The following HERC6 variants were observed in gnomAD, a reference collection of about 807,000 sequenced individuals.
HERC6 encodes HECT and RLD domain containing E3 ubiquitin protein ligase family member 6, also known as probable E3 ubiquitin-protein ligase HERC6.
In HERC6, 101 loss-of-function variants were observed where a neutral mutation model predicts 114.5. The observed-to-expected ratio is 0.88, with a 90% CI of 0.75 to 1.04. The LOEUF is 1.04. Among genes scored for constraint, HERC6 ranks in the 50% least tolerant of loss-of-function variants. HERC6 has a pLI of 0.00. For missense variants in HERC6, 1,133 were observed against 1,230.9 expected (o/e 0.92, Z 1.19); for synonymous variants, 408 against 436.2 (o/e 0.94, Z 0.81).
Position 88,439,358 on chromosome 4 carries a change from A to AAAAAGAAAGG in HERC6, c.2556-512_2556-503dup, listed in dbSNP as rs200327036. Among the ~76,000 whole-genome samples, 8 of 151,778 alleles carry AAAAAGAAAGG rather than the reference A, an allele frequency of 5.3e-5. No homozygotes were observed. The South Asian group carries it at 8.3e-4, about 16-fold the overall frequency. On this transcript the variant is annotated intron_variant, in intron 20 of 22. Coordinates refer to ENST00000264346, the MANE Select transcript of HERC6 (RefSeq NM_017912.4). ...ACCCCATCTCTTAAAAAAAAGAAAG[A>AAAAAGAAAGG]AAAAGAAAGGAAAGAGAAAGAAAGA...
Position 88,413,431 on chromosome 4 carries a change from T to C in HERC6, c.1558+165T>C, listed in dbSNP as rs192210173. Among the ~76,000 whole-genome samples the C allele has an allele frequency of 3.3e-3, 497 of 152,340 alleles. 6 individuals carry two copies. The highest frequency in any genetic ancestry group is 0.012 in the African/African-American group (482 of 41,592). On this transcript the variant is annotated intron_variant, in intron 12 of 22. Transcript: ENST00000264346. ...AATCTAAAGCTATTATAATTATTAGTTCTATCATACAAAGCAGGTGTAGTT... is the reference window on the plus strand; with the variant it reads ...AATCTAAAGCTATTATAATTATTAGCTCTATCATACAAAGCAGGTGTAGTT...
intron 2 of HERC6, 108 bp from the exon 3 acceptor site, chr4:88,385,391 G>A (rs1214732375): frequency 4.7e-6 from 3 of 642,142 alleles, no homozygotes; most frequent in Non-Finnish European, 8.2e-6. Flanking sequence ...AAATAAAATA[G>A]TTTTCCTGGA....
chr4:88,388,400 A>G (rs1360418698), intron 3 of HERC6, among the ~76,000 whole-genome samples: 1 of 151,994 alleles, frequency 6.6e-6, no homozygotes, highest in Admixed American at 6.6e-5. Flanking sequence ...AAAATACAAA[A>G]ATTAACCGGG....
chr4:88,399,504 C>G (rs1039663652), intron 8 of HERC6: 8 of 152,422 alleles, frequency 5.2e-5, no homozygotes, highest in Admixed American at 1.3e-4. Context: ...GGCATGGTGG[C>G]TCACGCCTGT....
intron 13 of HERC6, among the ~76,000 whole-genome samples, chr4:88,422,232 C>G (rs1473518093): frequency 6.6e-6 from 1 of 152,082 alleles, no homozygotes; most frequent in Non-Finnish European, 1.5e-5. Flanking sequence ...TAAAACTAAT[C>G]TCTTGACTTC....
At position 88,440,522 on chromosome 4, in the gene HERC6, T is replaced by C. The variant is rs922152115; in HGVS notation, c.2842+272T>C. ...CTGTGGTGAAATGCAGGGTTTTTTA[T>C]AGATGAGCTAGTGAGGAGGTGGTGT... On this transcript the variant is annotated intron_variant, in intron 22 of 22. Coordinates refer to ENST00000264346, the MANE Select transcript of HERC6 (RefSeq NM_017912.4). 1.7e-5 allele frequency: 6 copies of C among 347,894 alleles called. No homozygotes were observed. In the East Asian group the frequency reaches 3.2e-4, roughly 18 times the overall value. The allele number at this position is 347,894 out of a possible 1,614,324, so 21.6% of individuals were successfully genotyped here. A position where few individuals can be genotyped will look rare whatever the true frequency, so the allele number is the denominator to read the frequency against.
chr4:88,393,469 T>G lies in HERC6; in HGVS notation c.665-19T>G. ...GAGTCTGTTTCTTATACTCTAGAGATTCTGCTTTCTTTCAACAGTGCAAAG... is the reference window on the plus strand; with the variant it reads ...GAGTCTGTTTCTTATACTCTAGAGAGTCTGCTTTCTTTCAACAGTGCAAAG... On this transcript the variant is annotated intron_variant, in intron 4 of 22. Transcript: ENST00000264346. 6.6e-7 allele frequency: 1 copy of G among 1,519,994 alleles called. No individual in the cohort carries two copies. The highest frequency in any genetic ancestry group is 9.1e-7 in the Non-Finnish European group (1 of 1,101,274). The allele number at this position is 1,519,994 out of a possible 1,614,324, so 94.2% of individuals were successfully genotyped here.
chr4:88,385,486 A>T lies in HERC6; in HGVS notation c.360-13A>T. On this transcript the variant is annotated splice_polypyrimidine_tract_variant and intron_variant, in intron 2 of 22. Coordinates refer to ENST00000264346, the MANE Select transcript of HERC6 (RefSeq NM_017912.4). ...AATAAGGATTAATCAATTTTGTATT[A>T]TTTGTATTATAGGAAAATAATGACT... The T allele has an allele frequency of 1.6e-6, 2 of 1,249,366 alleles. No homozygotes were observed. Among genetic ancestry groups the T allele is most frequent in the Non-Finnish European group, 2.2e-6 (2 of 893,784 alleles). The allele number at this position is 1,249,366 out of a possible 1,614,324, so 77.4% of individuals were successfully genotyped here. A position where few individuals can be genotyped will look rare whatever the true frequency, so the allele number is the denominator to read the frequency against.
intron 3 of HERC6, among the ~76,000 whole-genome samples, chr4:88,390,177 CAAAAAAA>C (rs1156777502): frequency 4.5e-4 from 22 of 48,644 alleles, no homozygotes; most frequent in African/African-American, 1.1e-3. Context: ...AACTCTGTAT[CAAAAAAA>C]AAAAAAAAAA....
At chr4:88,391,546 A>C (rs1734920377) in intron 4 of HERC6, among the ~76,000 whole-genome samples, 2 of 152,184 alleles carry the variant, frequency 1.3e-5, no homozygotes, top group South Asian at 4.1e-4. Flanking sequence ...TCCTTTAAAA[A>C]TCCCGATGCC....
intron 13 of HERC6, 54 bp from the exon 14 acceptor site, chr4:88,423,806 G>T: frequency 1.3e-6 from 1 of 782,232 alleles, no homozygotes; most frequent in Non-Finnish European, 2.0e-6. Context: ...ATATATCATA[G>T]ATTAAATCAC....
At chr4:88,404,582 T>C (rs1735718957) in intron 8 of HERC6, among the ~76,000 whole-genome samples, 1 of 152,236 alleles carries the variant, frequency 6.6e-6, no homozygotes, top group Non-Finnish European at 1.5e-5. Flanking sequence ...TTTCCATCTT[T>C]TGGCTATTGT....
In HERC6 at chr4:88,390,728, C is replaced by A; in HGVS notation, c.513C>A (p.Ser171Arg). The change falls in exon 4 of 23, where the codon AGC (serine) becomes AGA (arginine). Residue 171 changes from serine (S) to arginine (R), a missense_variant. Physicochemically the swap from Ser to Arg is moderately radical, Grantham distance 110 (BLOSUM62 -1). Transcript: ENST00000264346. ...GGAAGGAGTTCCCCTCCCAAGCCAG[C>A]CCGCAGAGGGTGAGGTCCCTGGAGG... Reference protein sequence around the residue: ...GLGKEFPSQASPQRVRSLEGI... With the variant: ...GLGKEFPSQARPQRVRSLEGI... 6.2e-7 allele frequency: 1 copy of A among 1,614,064 alleles called. No homozygotes were observed.
intron 13 of HERC6, among the ~76,000 whole-genome samples, chr4:88,421,361 A>G (rs920472223): frequency 1.3e-5 from 2 of 152,062 alleles, no homozygotes; most frequent in Non-Finnish European, 2.9e-5. Context: ...GAACCAGCAG[A>G]CTGTTTTCCA....
intron 12 of HERC6, among the ~76,000 whole-genome samples, chr4:88,414,190 G>A (rs1212575405): frequency 3.3e-5 from 5 of 152,054 alleles, no homozygotes; most frequent in African/African-American, 7.2e-5. Context: ...AGGTACAGAG[G>A]GCCAGGCATT....
At chr4:88,384,679 T>C (rs1489644100) in intron 2 of HERC6, among the ~76,000 whole-genome samples, 1 of 152,178 alleles carries the variant, frequency 6.6e-6, no homozygotes, top group Non-Finnish European at 1.5e-5. Flanking sequence ...TTCTACAGCA[T>C]CATAACTATT....
intron 1 of HERC6, among the ~76,000 whole-genome samples, chr4:88,380,234 A>T (rs1438421238): frequency 3.7e-5 from 1 of 27,282 alleles, no homozygotes; most frequent in Non-Finnish European, 5.9e-5. Context: ...ATAATATATA[A>T]ATATATATAA....
intron 13 of HERC6, among the ~76,000 whole-genome samples, chr4:88,420,976 A>G (rs868068855): frequency 6.6e-6 from 1 of 152,022 alleles, no homozygotes. Context: ...GGCAATCACT[A>G]ATCTACTTTC....
At chr4:88,420,118 C>T (rs1293830035) in intron 13 of HERC6, among the ~76,000 whole-genome samples, 4 of 151,968 alleles carry the variant, frequency 2.6e-5, no homozygotes, top group Non-Finnish European at 4.4e-5. Flanking sequence ...CACTAACTTT[C>T]GTTTTCTTTC....
Sources: allele counts gnomAD v4.1 joint callset (sites outside exome capture counted in the v4.1 genomes callset), GRCh38; gene constraint gnomAD v4.1.1; transcripts MANE v1.5; gene names NCBI Gene and HGNC (gene_info 2026-07-23, HGNC 2026-07-21).